The following EXD1 variants were observed in gnomAD, a reference collection of about 807,000 sequenced individuals.
The protein encoded by EXD1 is piRNA biogenesis protein EXD1.
EXD1 carries 63 observed loss-of-function variants against 49.1 expected under a neutral mutation model. The observed-to-expected ratio is 1.28, with a 90% CI of 1.05 to 1.58. The LOEUF (loss-of-function observed/expected upper bound fraction) is 1.58, where lower values mean the gene tolerates loss of function less well. Among genes scored for constraint, EXD1 ranks in the 40% most tolerant of loss-of-function variants. The probability of loss-of-function intolerance (pLI) is 0.00; values close to 1 mark genes in which losing one functional copy is unlikely to be tolerated. For missense variants in EXD1, 748 were observed against 666.0 expected, an observed-to-expected ratio of 1.12 and a Z score of -1.36; for synonymous variants, 234 against 239.2, an observed-to-expected ratio of 0.98 and a Z score of 0.20.
At chr15:41,190,310 T>C (rs2046491879) in intron 10 of EXD1, 182 bp from the exon 11 acceptor site, 2 of 561,344 alleles carry the variant, frequency 3.6e-6, no homozygotes, top group East Asian at 3.4e-5. Context: ...CCATCTCTAC[T>C]AAAAATACAA....
At chr15:41,197,649 T>G (rs1454492032) in intron 7 of EXD1, among the ~76,000 whole-genome samples, 1 of 151,220 alleles carries the variant, frequency 6.6e-6, no homozygotes, top group Non-Finnish European at 1.5e-5. Flanking sequence ...AAAGAGACTT[T>G]CCCTTTTTTT....
chr15:41,192,789 GATT>G (rs2046547102), intron 9 of EXD1, among the ~76,000 whole-genome samples: 1 of 106,878 alleles, frequency 9.4e-6, no homozygotes, highest in African/African-American at 3.7e-5. Context: ...GTATTCTTAA[GATT>G]TTTTTTTTTT....
chr15:41,218,107 A>C (rs1281426311), intron 3 of EXD1, among the ~76,000 whole-genome samples: 1 of 152,096 alleles, frequency 6.6e-6, no homozygotes, highest in Admixed American at 6.6e-5. Flanking sequence ...CACTCTGGGA[A>C]GCTGAGGCAG....
intron 2 of EXD1, 80 bp from the exon 3 acceptor site, chr15:41,219,978 C>G: frequency 8.9e-7 from 1 of 1,129,682 alleles, no homozygotes; most frequent in South Asian, 1.5e-5. Context: ...CTCAAAATTT[C>G]CCAAGTCTGA....
chr15:41,215,024 C>T (rs1215892159), intron 6 of EXD1, among the ~76,000 whole-genome samples: 6 of 152,106 alleles, frequency 3.9e-5, no homozygotes, highest in African/African-American at 9.7e-5. Context: ...GGATTACAGG[C>T]GTGAGCCACT....
intron 2 of EXD1, among the ~76,000 whole-genome samples, chr15:41,225,622 C>T (rs1308482185): frequency 6.7e-6 from 1 of 149,858 alleles, no homozygotes; most frequent in Admixed American, 6.7e-5. Flanking sequence ...GTGGCTCATG[C>T]CTATAATCCC....
chr15:41,207,291 C>T (rs866541950), intron 7 of EXD1, among the ~76,000 whole-genome samples: 1 of 152,056 alleles, frequency 6.6e-6, no homozygotes, highest in Middle Eastern at 3.4e-3. Context: ...CCTGTAATCC[C>T]AGCACTATGG....
chr15:41,183,991 A>C lies in EXD1; in HGVS notation c.1659T>G (p.Pro553=). 6.2e-7 allele frequency: 1 copy of C among 1,613,910 alleles called. No homozygotes were observed. ...CGATCTTCTCCAAGGCTGGACAGGG[A>C]GGGAGTGTGGAAACCACAGTCTTTC... ...PIRKTVVSTL[P]PCPALEKIDS... is the part of the protein sequence containing the mutation. The change falls in exon 12 of 12, where the codon CCT becomes CCG. Residue 553 remains proline (P), a synonymous_variant. Transcript: ENST00000458580.
chr15:41,227,675 C>CAAA (rs56794638), intron 1 of EXD1, among the ~76,000 whole-genome samples: 1 of 92,046 alleles, frequency 1.1e-5, no homozygotes, highest in African/African-American at 3.2e-5. Context: ...AACACTGTCT[C>CAAA]AAAAAAAAAA....
Position 41,195,929 on chromosome 15 carries a change from T to C in EXD1, c.639+4A>G. On this transcript the variant is annotated splice_donor_region_variant and intron_variant, in intron 8 of 11. Transcript: ENST00000458580. Reference sequence around the variant, plus strand: ...ATAGCACAGGAATCAGTTTATATACTTACCTTCAAAATTCTCTTGTCTTCT... The same window carrying C: ...ATAGCACAGGAATCAGTTTATATACCTACCTTCAAAATTCTCTTGTCTTCT... 6.2e-7 allele frequency: 1 copy of C among 1,609,794 alleles called. No individual in the cohort carries two copies. The highest frequency in any genetic ancestry group is 8.5e-7 in the Non-Finnish European group (1 of 1,178,032).
chr15:41,226,404 C>T lies in EXD1; in HGVS notation c.133+39G>A, dbSNP rs34930699. 2.4e-3 allele frequency: 3,679 copies of T among 1,524,290 alleles called. 4 individuals carry two copies. The highest frequency in any genetic ancestry group is 6.7e-3 in the Middle Eastern group (40 of 5,948). 94.4% of individuals were successfully genotyped at this position (1,524,290 alleles called of 1,614,324 possible). A position where few individuals can be genotyped will look rare whatever the true frequency, so the allele number is the denominator to read the frequency against. On this transcript the variant is annotated intron_variant, in intron 2 of 11. Coordinates refer to ENST00000458580, the MANE Select transcript of EXD1 (RefSeq NM_001286441.2). The stretch of plus-strand genomic sequence containing the variant: ...AGCCCACTGAAAGTCAATCACTAAT[C>T]TCTTAAAAGGCAGAACATTATAAGA...
At chr15:41,225,229 T>G (rs1340503607) in intron 2 of EXD1, among the ~76,000 whole-genome samples, 1 of 152,214 alleles carries the variant, frequency 6.6e-6, no homozygotes, top group Non-Finnish European at 1.5e-5. Flanking sequence ...TGAACTCAAC[T>G]GCTGAAGTCA....
chr15:41,202,957 C>T (rs1467746161), intron 7 of EXD1, among the ~76,000 whole-genome samples: 1 of 151,426 alleles, frequency 6.6e-6, no homozygotes, highest in Non-Finnish European at 1.5e-5. Flanking sequence ...ATGTTTTCCC[C>T]TGCTACTTTA....
chr15:41,184,665 T>TTC, intron 11 of EXD1, 72 bp from the exon 12 acceptor site: 1 of 1,440,462 alleles, frequency 6.9e-7, no homozygotes, highest in East Asian at 2.4e-5. Context: ...TCACTTTTTT[T>TTC]TTTTTTTGAG....
chr15:41,219,084 T>C lies in EXD1; in HGVS notation c.202+746A>G, dbSNP rs1007073840. Among the ~76,000 whole-genome samples the C allele has an allele frequency of 2.6e-5, 4 of 152,250 alleles. No homozygotes were observed. The East Asian group carries it at 7.7e-4, about 29-fold the overall frequency. The stretch of plus-strand genomic sequence containing the variant: ...TCCTTAAAGGGCAGAAGCAGAAACC[T>C]CCTGAGTCCTTGAAAGCAAGAACAT... On this transcript the variant is annotated intron_variant, in intron 3 of 11. Transcript: ENST00000458580.
chr15:41,220,430 T>C (rs1260930534), intron 2 of EXD1, among the ~76,000 whole-genome samples: 1 of 152,002 alleles, frequency 6.6e-6, no homozygotes, highest in African/African-American at 2.4e-5. Context: ...GCCACCACGT[T>C]TTATATTTTA....
intron 2 of EXD1, among the ~76,000 whole-genome samples, chr15:41,225,339 C>T (rs1169164228): frequency 1.3e-5 from 2 of 152,180 alleles, no homozygotes; most frequent in South Asian, 2.1e-4. Flanking sequence ...AATCCCAGCA[C>T]TTTGGGAGGC....
intron 6 of EXD1, among the ~76,000 whole-genome samples, chr15:41,212,543 A>G (rs2046938048): frequency 6.6e-6 from 1 of 152,220 alleles, no homozygotes; most frequent in Admixed American, 6.5e-5. Context: ...CCGTTCCTCA[A>G]AAAAGTTAAA....
chr15:41,199,757 T>C lies in EXD1; in HGVS notation c.535-3720A>G, dbSNP rs369875146. On this transcript the variant is annotated intron_variant, in intron 7 of 11. Transcript: ENST00000458580. The stretch of plus-strand genomic sequence containing the variant: ...TATATATGTCATATATTATATATGA[T>C]ACATATATGATATATATGTCATATA... Among the ~76,000 whole-genome samples, 37 of 87,246 alleles carry C rather than the reference T, an allele frequency of 4.2e-4. 8 individuals carry two copies. Among genetic ancestry groups the C allele is most frequent in the Admixed American group, 1.8e-3 (12 of 6,776 alleles). 57.2% of individuals were successfully genotyped at this position (87,246 alleles called of 152,430 possible).
Sources: allele counts gnomAD v4.1 joint callset (sites outside exome capture counted in the v4.1 genomes callset), GRCh38; gene constraint gnomAD v4.1.1; transcripts MANE v1.5; gene names NCBI Gene and HGNC (gene_info 2026-07-23, HGNC 2026-07-21).